MAPKAP1: variants seen among roughly 807,000 people sequenced by gnomAD.
MAPKAP1 encodes the protein MAPK associated protein 1.
In MAPKAP1, 20 loss-of-function variants were observed where a neutral mutation model predicts 65.7. That is an observed-to-expected ratio of 0.30 (90% CI 0.21 to 0.44). The LOEUF is 0.44. Among genes scored for constraint, MAPKAP1 ranks in the 20% least tolerant of loss-of-function variants. The pLI is 1.00. For synonymous variants in MAPKAP1, 222 were observed against 244.3 expected, an observed-to-expected ratio of 0.91 and a Z score of 0.85; for missense variants, 423 against 648.0, an observed-to-expected ratio of 0.65 and a Z score of 3.77.
chr9:125,444,572 G>C lies in MAPKAP1; in HGVS notation c.1372C>G (p.Leu458Val), dbSNP rs1156310090. The C allele has an allele frequency of 1.2e-6, 2 of 1,613,720 alleles. No individual in the cohort carries two copies. The highest frequency in any genetic ancestry group is 1.7e-6 in the Non-Finnish European group (2 of 1,179,722). ...PSHAIFKLTY[L>V]SNHDYKHLYF... is the part of the protein sequence containing the mutation. ...AGGTGTTTATAGTCGTGATTGCTTA[G>C]ATACGTGAGTTTAAATATTGCGTGA... Residue 458 changes from leucine to valine, a missense_variant, in exon 11 of 12, where the codon CTA becomes GTA. Around this residue, in one of 6 missense-constraint regions of MAPKAP1, gnomAD observed 185 missense variants for 268.1 expected, o/e 0.69. Transcript: ENST00000265960.
intron 4 of MAPKAP1, among the ~76,000 whole-genome samples, chr9:125,629,194 G>A (rs1024774178): frequency 5.3e-5 from 8 of 152,112 alleles, no homozygotes; most frequent in Non-Finnish European, 1.2e-4. Context: ...GCAATGTGAG[G>A]TTCCTCAAAA....
intron 5 of MAPKAP1, among the ~76,000 whole-genome samples, chr9:125,564,009 C>T (rs768173221): frequency 1.1e-4 from 16 of 152,258 alleles, no homozygotes; most frequent in Middle Eastern, 3.4e-3. Flanking sequence ...CCATGCCCAA[C>T]CAGCAAAGGG....
At chr9:125,667,555 G>A (rs1456636376) in intron 3 of MAPKAP1, among the ~76,000 whole-genome samples, 1 of 152,162 alleles carries the variant, frequency 6.6e-6, no homozygotes, top group African/African-American at 2.4e-5. Context: ...CTGACCTCAA[G>A]TGATCTGCCT....
chr9:125,559,878 G>C, intron 5 of MAPKAP1, 69 bp from the exon 6 acceptor site: 1 of 1,467,326 alleles, frequency 6.8e-7, no homozygotes, highest in Non-Finnish European at 9.2e-7. Context: ...AGAGGGTATG[G>C]TGCACAGCAA....
intron 4 of MAPKAP1, among the ~76,000 whole-genome samples, chr9:125,616,936 T>C (rs552528287): frequency 6.6e-6 from 1 of 152,312 alleles, no homozygotes; most frequent in South Asian, 2.1e-4. Flanking sequence ...GAATAAAAAA[T>C]AGCATGCATT....
Position 125,657,291 on chromosome 9 carries a change from CCTTT to C in MAPKAP1, c.498+356_498+359del, listed in dbSNP as rs553244439. 2.0e-5 allele frequency among the ~76,000 whole-genome samples: 3 copies of C among 152,032 alleles called. No homozygotes were observed. In the South Asian group the frequency reaches 6.2e-4, roughly 32 times the overall value. ...TTTCTCTCTCCCTTCCTCCCCCTCC[CCTTT>C]CTCTCATATATATATAAACATATGT... is the stretch of plus-strand genomic sequence containing the variant. On this transcript the variant is annotated intron_variant, in intron 4 of 11. Coordinates refer to ENST00000265960, the MANE Select transcript of MAPKAP1 (RefSeq NM_001006617.3).
At chr9:125,577,205 G>A (rs1389867530) in intron 5 of MAPKAP1, among the ~76,000 whole-genome samples, 1 of 151,836 alleles carries the variant, frequency 6.6e-6, no homozygotes, top group Non-Finnish European at 1.5e-5. Flanking sequence ...TCTCTGCCCG[G>A]CTGCCCCGTC....
At chr9:125,556,850 A>C (rs1240459700) in intron 6 of MAPKAP1, among the ~76,000 whole-genome samples, 1 of 152,254 alleles carries the variant, frequency 6.6e-6, no homozygotes, top group African/African-American at 2.4e-5. Flanking sequence ...TGCTGAACCA[A>C]GAAAATACAC....
chr9:125,687,118 G>A (rs1835006467), intron 1 of MAPKAP1, among the ~76,000 whole-genome samples: 1 of 146,922 alleles, frequency 6.8e-6, no homozygotes, highest in Non-Finnish European at 1.5e-5. Flanking sequence ...GAGCCACCAT[G>A]CCCATCTTTT....
At chr9:125,442,128 C>CAAAAAA (rs71492449) in intron 11 of MAPKAP1, among the ~76,000 whole-genome samples, 2 of 38,754 alleles carry the variant, frequency 5.2e-5, no homozygotes, top group African/African-American at 1.9e-4. Flanking sequence ...GACTCTGTCT[C>CAAAAAA]AAAAAAAAAA....
intron 1 of MAPKAP1, among the ~76,000 whole-genome samples, chr9:125,681,094 T>C (rs1189877051): frequency 6.6e-6 from 1 of 152,124 alleles, no homozygotes; most frequent in East Asian, 1.9e-4. Flanking sequence ...CAAACAAAAC[T>C]AAGGCTTAAA....
chr9:125,466,251 C>G (rs889859647), intron 10 of MAPKAP1, among the ~76,000 whole-genome samples: 2 of 152,078 alleles, frequency 1.3e-5, no homozygotes, highest in African/African-American at 2.4e-5. Context: ...AAGGGGAGGC[C>G]TTATGCCCAA....
chr9:125,703,568 T>C (rs964313468), intron 1 of MAPKAP1, among the ~76,000 whole-genome samples: 4 of 152,048 alleles, frequency 2.6e-5, no homozygotes, highest in African/African-American at 9.7e-5. Context: ...GGTCAGGAGT[T>C]TGAGACCAGC....
At chr9:125,469,744 G>A (rs1450782870) in intron 9 of MAPKAP1, among the ~76,000 whole-genome samples, 2 of 152,214 alleles carry the variant, frequency 1.3e-5, no homozygotes, top group East Asian at 1.9e-4. Context: ...GACTCTGGAC[G>A]TTCAGGTCTA....
chr9:125,643,870 C>T (rs1053993728), intron 4 of MAPKAP1, among the ~76,000 whole-genome samples: 3 of 152,162 alleles, frequency 2.0e-5, no homozygotes, highest in African/African-American at 7.2e-5. Flanking sequence ...AATCTCTCTC[C>T]AATGTGAAAG....
chr9:125,463,962 C>T (rs1324341921), intron 10 of MAPKAP1, among the ~76,000 whole-genome samples: 1 of 152,134 alleles, frequency 6.6e-6, no homozygotes, highest in Non-Finnish European at 1.5e-5. Context: ...TTCTGAAATA[C>T]AGCCTGAGTG....
intron 1 of MAPKAP1, among the ~76,000 whole-genome samples, chr9:125,689,930 A>T (rs2131844660): frequency 6.6e-6 from 1 of 151,362 alleles, no homozygotes. Flanking sequence ...CTACTAAAAA[A>T]ATACAAAATT....
Position 125,447,339 on chromosome 9 carries a change from G to A in MAPKAP1, c.1346-2741C>T, listed in dbSNP as rs1852754653. ...AAAGCACTCACGCCATAGGAGAGGGGAACAGAGGGCAGAGAACGTTCTGTG... is the reference window on the plus strand; with the variant it reads ...AAAGCACTCACGCCATAGGAGAGGGAAACAGAGGGCAGAGAACGTTCTGTG... On this transcript the variant is annotated intron_variant, in intron 10 of 11. Coordinates refer to ENST00000265960, the MANE Select transcript of MAPKAP1 (RefSeq NM_001006617.3). The surrounding 1 kb of genome is among the most constrained non-coding windows in gnomAD (Gnocchi z 4.5). 2.2e-6 allele frequency: 1 copy of A among 454,042 alleles called. No individual in the cohort carries two copies. Among genetic ancestry groups the A allele is most frequent in the Non-Finnish European group, 4.4e-6 (1 of 225,464 alleles). 28.1% of individuals were successfully genotyped at this position (454,042 alleles called of 1,614,324 possible). A position where few individuals can be genotyped will look rare whatever the true frequency, so the allele number is the denominator to read the frequency against.
At chr9:125,600,121 A>G (rs919927049) in intron 4 of MAPKAP1, among the ~76,000 whole-genome samples, 1 of 152,158 alleles carries the variant, frequency 6.6e-6, no homozygotes, top group Non-Finnish European at 1.5e-5. Context: ...AGCCTCAAAT[A>G]ATTCTTTTAT....
Sources: gnomAD v4.1 joint callset for allele counts (sites outside exome capture counted in the v4.1 genomes callset) on GRCh38, gnomAD v4.1.1 for gene constraint, gnomAD v4.1.1 regional missense constraint, Gnocchi (gnomAD v3.1) non-coding constraint, MANE v1.5 for transcripts, NCBI Gene and HGNC (gene_info 2026-07-23, HGNC 2026-07-21) for gene names.